The following SETDB1 variants were observed in gnomAD, a reference collection of about 807,000 sequenced individuals.
The protein encoded by SETDB1 is histone-lysine N-methyltransferase SETDB1.
SETDB1 carries 31 observed loss-of-function variants against 137.4 expected under a neutral mutation model. That is an observed-to-expected ratio of 0.23 (90% CI 0.17 to 0.30). The LOEUF (loss-of-function observed/expected upper bound fraction) is 0.30. Ranked by LOEUF, SETDB1 falls within the 10% of genes least tolerant of loss-of-function variation. The pLI is 1.00. For synonymous variants in SETDB1, 548 were observed against 579.9 expected, an observed-to-expected ratio of 0.95 and a Z score of 0.79; for missense variants, 1,113 against 1,631.5, an observed-to-expected ratio of 0.68 and a Z score of 5.47.
intron 9 of SETDB1, among the ~76,000 whole-genome samples, chr1:150,945,481 C>T (rs1281458244): frequency 6.6e-6 from 1 of 152,168 alleles, no homozygotes; most frequent in Non-Finnish European, 1.5e-5. Context: ...TTTCAAGGCT[C>T]AGTTTAACTC....
At chr1:150,936,106 C>A (rs1052519850) in intron 3 of SETDB1, among the ~76,000 whole-genome samples, 23 of 152,190 alleles carry the variant, frequency 1.5e-4, no homozygotes, top group Non-Finnish European at 7.3e-5. Context: ...CCTGCCTCAG[C>A]CTCCCGAGTA....
chr1:150,943,157 C>A (rs1333311381), intron 7 of SETDB1, 104 bp downstream of exon 7: 3 of 759,588 alleles, frequency 3.9e-6, no homozygotes, highest in Non-Finnish European at 6.7e-6. Flanking sequence ...CTTCTTAGTC[C>A]CCAGTGGACT....
intron 3 of SETDB1, among the ~76,000 whole-genome samples, chr1:150,934,157 A>G (rs193023700): frequency 2.0e-5 from 3 of 152,130 alleles, no homozygotes; most frequent in Admixed American, 6.5e-5. Flanking sequence ...ACAAATTAAT[A>G]CTGACTTAAT....
At chr1:150,931,702 G>A (rs186226354) in intron 3 of SETDB1, among the ~76,000 whole-genome samples, 3 of 102,714 alleles carry the variant, frequency 2.9e-5, no homozygotes, top group Non-Finnish European at 3.8e-5. Context: ...CAGCCTGGGC[G>A]ACAGAGTGAG....
chr1:150,959,142 C>T, intron 14 of SETDB1, 36 bp from the exon 15 acceptor site: 1 of 1,471,302 alleles, frequency 6.8e-7, no homozygotes, highest in Non-Finnish European at 9.1e-7. Context: ...CTCTAGTGAT[C>T]ATACCGTGAT....
At position 150,961,171 on chromosome 1, in the gene SETDB1, A is replaced by G. The variant is rs757133801; in HGVS notation, c.3112A>G (p.Ile1038Val). 3.8e-5 allele frequency: 61 copies of G among 1,613,570 alleles called. No homozygotes were observed. The highest frequency in any genetic ancestry group is 8.9e-5 in the East Asian group (4 of 44,876). ...ACTAGGCATCAAGGATGAGGGAGAC[A>G]TCAAACAGGCCAAGAAAGAGGTAAG... ...SGLGIKDEGD[I>V]KQAKKEDTDD... The change falls in exon 16 of 22, where the codon ATC becomes GTC. Residue 1038 changes from isoleucine (I) to valine (V), a missense_variant. Transcript: ENST00000692827.
In SETDB1 at chr1:150,930,102, C is replaced by T; in HGVS notation, c.396C>T (p.Val132=). 1 of 1,613,756 alleles carries T rather than the reference C, an allele frequency of 6.2e-7. No homozygotes were observed. Among genetic ancestry groups the T allele is most frequent in the South Asian group, 1.1e-5 (1 of 91,048 alleles). ...IIEIPDEDDD[V]LSIDSGDAGS... is the part of the protein sequence containing the mutation. The stretch of plus-strand genomic sequence containing the variant: ...AGATTCCTGATGAAGATGATGATGT[C>T]CTCAGTATTGATTCAGGTAAGGGAT... The change falls in exon 3 of 22, where the codon GTC becomes GTT. Residue 132 remains valine (V), a synonymous_variant. Transcript: ENST00000692827.
rs150357529 is a variant in SETDB1 at position 150,964,181 on chromosome 1, C to T, written c.3762-66C>T. 7 of 1,531,836 alleles carry T rather than the reference C, an allele frequency of 4.6e-6. No homozygotes were observed. The Admixed American group carries it at 5.0e-5, about 11-fold the overall frequency. 94.9% of individuals were successfully genotyped at this position (1,531,836 alleles called of 1,614,324 possible). Reference sequence around the variant, plus strand: ...CATGATCCAACTCCACCTACATATTCAGTAACCCCAAGTGCCTGGGTTATC... The same window carrying T: ...CATGATCCAACTCCACCTACATATTTAGTAACCCCAAGTGCCTGGGTTATC... On this transcript the variant is annotated intron_variant, in intron 21 of 21. Coordinates refer to ENST00000692827, the MANE Select transcript of SETDB1 (RefSeq NM_001366418.1).
chr1:150,959,054 A>G (rs1489298123), intron 14 of SETDB1, 124 bp from the exon 15 acceptor site: 2 of 672,338 alleles, frequency 3.0e-6, no homozygotes, highest in Non-Finnish European at 4.6e-6. Flanking sequence ...ATCATTACCT[A>G]ATTTTTAATC....
rs1282017678 is a variant in SETDB1, at chr1:150,950,649, A to T, written c.1775A>T (p.Asn592Ile). 2 of 1,614,166 alleles carry T rather than the reference A, an allele frequency of 1.2e-6. No individual in the cohort carries two copies. The highest frequency in any genetic ancestry group is 1.7e-6 in the Non-Finnish European group (2 of 1,180,026). Residue 592 changes from asparagine (N) to isoleucine (I), a missense_variant, in exon 13 of 22, where the codon AAT (asparagine) becomes ATT (isoleucine). Asn to Ile is a moderately radical substitution (Grantham distance 149). Transcript: ENST00000692827. ...CTGTCTCGAGTCAGACCTATGAGGAATGAGCAGTACCGGGGCAAGAACCCT... is the reference window on the plus strand; with the variant it reads ...CTGTCTCGAGTCAGACCTATGAGGATTGAGCAGTACCGGGGCAAGAACCCT... Reference protein sequence around the residue: ...TCLSRVRPMRNEQYRGKNPLL... With the variant: ...TCLSRVRPMRIEQYRGKNPLL...
intron 6 of SETDB1, 30 bp downstream of exon 6, chr1:150,942,718 G>A (rs1324302967): frequency 6.2e-7 from 1 of 1,606,162 alleles, no homozygotes; most frequent in South Asian, 1.1e-5. Flanking sequence ...AACCACTCCT[G>A]AAAGGCAACC....
chr1:150,930,189 G>A (rs1571621161), intron 3 of SETDB1, 71 bp downstream of exon 3: 1 of 1,310,778 alleles, frequency 7.6e-7, no homozygotes, highest in East Asian at 2.3e-5. Context: ...GCAAATAGAA[G>A]ATAATAGAAG....
rs1484918427 is a variant in SETDB1, at chr1:150,964,718, T to C, written c.*354T>C. On this transcript the variant is annotated 3_prime_UTR_variant, in exon 22 of 22. Transcript: ENST00000692827. Reference sequence around the variant, plus strand: ...TTTGTATTATTTCTTGAAAGTCTTTTAACAATATGATAAAACTAAGATTGT... The same window carrying C: ...TTTGTATTATTTCTTGAAAGTCTTTCAACAATATGATAAAACTAAGATTGT... 6.9e-6 allele frequency: 4 copies of C among 577,880 alleles called. No homozygotes were observed. Among genetic ancestry groups the C allele is most frequent in the South Asian group, 2.1e-5 (1 of 46,568 alleles). The allele number at this position is 577,880 out of a possible 1,614,324, so 35.8% of individuals were successfully genotyped here.
intron 3 of SETDB1, among the ~76,000 whole-genome samples, chr1:150,930,916 T>G (rs912058594): frequency 6.6e-6 from 1 of 152,084 alleles, no homozygotes; most frequent in African/African-American, 2.4e-5. Context: ...ATATCTTTCT[T>G]TTTCTTTTCT....
intron 15 of SETDB1, 127 bp downstream of exon 15, chr1:150,959,474 T>C (rs1670752547): frequency 2.7e-6 from 2 of 751,086 alleles, no homozygotes; most frequent in South Asian, 1.7e-5. Flanking sequence ...GCCAGGGACT[T>C]CTACAAAGAA....
intron 2 of SETDB1, among the ~76,000 whole-genome samples, chr1:150,929,028 A>G (rs1366052739): frequency 3.9e-5 from 6 of 152,142 alleles, no homozygotes; most frequent in Admixed American, 3.9e-4. Context: ...AGTCTTTGCT[A>G]TTGTGGATAG....
rs190433527 is a variant in SETDB1 at position 150,944,737 on chromosome 1, T to G, written c.950-181T>G. Among the ~76,000 whole-genome samples the G allele has an allele frequency of 2.1e-4, 32 of 152,356 alleles. No homozygotes were observed. In the East Asian group the frequency reaches 5.2e-3, roughly 25 times the overall value. ...TTAGTATTTACTTGATTTGTAAGTA[T>G]GTACAGTTTGTACATTAGGTTTATT... On this transcript the variant is annotated intron_variant, in intron 8 of 21. Transcript: ENST00000692827.
In SETDB1 at chr1:150,960,938, T is replaced by A. The variant is rs1571662208; in HGVS notation, c.2879T>A (p.Val960Asp). Reference sequence around the variant, plus strand: ...GATCTTGGACCCCCACATATTCCTGTTCCTCCCTCAATCCCTGTAGGTGGC... The same window carrying A: ...GATCTTGGACCCCCACATATTCCTGATCCTCCCTCAATCCCTGTAGGTGGC... The part of the protein sequence containing the change: ...PPDLGPPHIP[V>D]PPSIPVGGCN... The change falls in exon 16 of 22, where the codon GTT (valine) becomes GAT (aspartate). Residue 960 changes from valine (V) to aspartate (D), a missense_variant. By Grantham distance (152) the Val-to-Asp change is radical. Around this residue, in one of 11 missense-constraint regions of SETDB1, gnomAD observed 373 missense variants for 412.7 expected, o/e 0.90. Transcript: ENST00000692827. 1.9e-6 allele frequency: 3 copies of A among 1,607,602 alleles called. No homozygotes were observed. The highest frequency in any genetic ancestry group is 4.5e-5 in the East Asian group (2 of 44,562).
At chr1:150,928,012 T>G in intron 2 of SETDB1, 38 bp downstream of exon 2, 1 of 1,594,044 alleles carries the variant, frequency 6.3e-7, no homozygotes, top group Non-Finnish European at 8.6e-7. Context: ...AATCTCTCCA[T>G]TGGGAGATGT....
Sources: allele counts gnomAD v4.1 joint callset (sites outside exome capture counted in the v4.1 genomes callset), GRCh38; gene constraint gnomAD v4.1.1; regional missense constraint gnomAD v4.1.1; transcripts MANE v1.5; gene names NCBI Gene and HGNC (gene_info 2026-07-23, HGNC 2026-07-21).